The following ROCK1 variants were observed in gnomAD, a reference collection of about 807,000 sequenced individuals.
ROCK1 encodes the protein rho-associated protein kinase 1.
ROCK1 carries 36 observed loss-of-function variants against 196.8 expected under a neutral mutation model. That is an observed-to-expected ratio of 0.18 (90% CI 0.14 to 0.24). The LOEUF is 0.24. Among genes scored for constraint, ROCK1 ranks in the 10% least tolerant of loss-of-function variants. The probability of loss-of-function intolerance (pLI) is 1.00; values close to 1 mark genes in which losing one functional copy is unlikely to be tolerated. For synonymous variants in ROCK1, 443 were observed against 515.9 expected (o/e 0.86, Z 1.91); for missense variants, 920 against 1,562.0 (o/e 0.59, Z 6.93).
chr18:21,086,899 T>C (rs1191041159), intron 1 of ROCK1, among the ~76,000 whole-genome samples: 2 of 152,146 alleles, frequency 1.3e-5, no homozygotes, highest in African/African-American at 2.4e-5. Context: ...GTATATCATA[T>C]ATCAGAAAAG....
chr18:21,022,510 T>G (rs1407007733), intron 11 of ROCK1, among the ~76,000 whole-genome samples: 2 of 152,198 alleles, frequency 1.3e-5, no homozygotes, highest in African/African-American at 4.8e-5. Flanking sequence ...TGTATTACTC[T>G]GTAGCCCTAT....
intron 14 of ROCK1, 49 bp from the exon 15 acceptor site, chr18:21,006,839 G>A (rs771903065): frequency 1.6e-6 from 2 of 1,237,246 alleles, no homozygotes; most frequent in African/African-American, 3.1e-5. Flanking sequence ...TTTCATAGGG[G>A]AAACATATAA....
At chr18:21,088,529 A>G (rs1264596567) in intron 1 of ROCK1, among the ~76,000 whole-genome samples, 3 of 152,184 alleles carry the variant, frequency 2.0e-5, no homozygotes, top group African/African-American at 4.8e-5. Context: ...AAGAAAAAGA[A>G]TAATAATTTT....
At chr18:21,079,609 C>T (rs940205062) in intron 1 of ROCK1, among the ~76,000 whole-genome samples, 3 of 152,118 alleles carry the variant, frequency 2.0e-5, no homozygotes, top group Non-Finnish European at 4.4e-5. Flanking sequence ...GCTGATGGTA[C>T]AACTGGAGTG....
chr18:20,955,846 C>T (rs1485131761), intron 29 of ROCK1, among the ~76,000 whole-genome samples: 1 of 149,690 alleles, frequency 6.7e-6, no homozygotes, highest in Admixed American at 6.7e-5. Flanking sequence ...GAAAAGATTA[C>T]ACATTATTTG....
chr18:21,033,188 C>T (rs1416819553), intron 9 of ROCK1, among the ~76,000 whole-genome samples: 1 of 151,948 alleles, frequency 6.6e-6, no homozygotes, highest in Non-Finnish European at 1.5e-5. Flanking sequence ...CAGAGCAAGA[C>T]CTTATCTCTA....
chr18:21,047,264 TG>T (rs990688166), intron 4 of ROCK1, among the ~76,000 whole-genome samples: 14 of 152,196 alleles, frequency 9.2e-5, no homozygotes, highest in African/African-American at 3.4e-4. Context: ...TAACTAGTGG[TG>T]AAAACATTTT....
Position 21,057,648 on chromosome 18 carries a change from CCCGTCTCTA to C in ROCK1, c.176-7777_176-7769del, listed in dbSNP as rs568263354. 6.4e-3 allele frequency among the ~76,000 whole-genome samples: 972 copies of C among 152,080 alleles called. 7 individuals carry two copies. Among genetic ancestry groups the C allele is most frequent in the Middle Eastern group, 0.01 (3 of 292 alleles). ...ACCAGCCTGGCCAACATGGCAAAAC[CCCGTCTCTA>C]CTAAAAACACAAAAATTAGCCGGCA... is the stretch of plus-strand genomic sequence containing the variant. On this transcript the variant is annotated intron_variant, in intron 2 of 32. Coordinates refer to ENST00000399799, the MANE Select transcript of ROCK1 (RefSeq NM_005406.3).
intron 27 of ROCK1, among the ~76,000 whole-genome samples, chr18:20,966,346 T>G (rs1360689341): frequency 6.6e-6 from 1 of 152,168 alleles, no homozygotes; most frequent in Non-Finnish European, 1.5e-5. Context: ...GAAAAAAGTC[T>G]CAAATCTTAG....
At chr18:21,051,027 G>T (rs2036199768) in intron 2 of ROCK1, among the ~76,000 whole-genome samples, 1 of 152,136 alleles carries the variant, frequency 6.6e-6, no homozygotes, top group Non-Finnish European at 1.5e-5. Context: ...ACAGTTTTTT[G>T]AGTACTAAGG....
At chr18:21,041,686 A>ACT (rs2036108414) in intron 8 of ROCK1, among the ~76,000 whole-genome samples, 1 of 152,182 alleles carries the variant, frequency 6.6e-6, no homozygotes, top group Admixed American at 6.5e-5. Context: ...GGTTTAAAGT[A>ACT]TAAGGTGTAT....
In ROCK1 at chr18:20,975,694, T is replaced by C. The variant is rs528816034; in HGVS notation, c.2654+4216A>G. Among the ~76,000 whole-genome samples, 185 of 152,284 alleles carry C rather than the reference T, an allele frequency of 1.2e-3. 1 individual carries two copies. Among genetic ancestry groups the C allele is most frequent in the East Asian group, 9.5e-3 (49 of 5,180 alleles). On this transcript the variant is annotated intron_variant, in intron 22 of 32. Coordinates refer to ENST00000399799, the MANE Select transcript of ROCK1 (RefSeq NM_005406.3). The stretch of plus-strand genomic sequence containing the variant: ...GGCACCATCTAGGCTCACTGCAAGC[T>C]CCGCCTCCCAGGTTCACGCCATTCT...
rs1416848341 is a variant in ROCK1, at chr18:20,948,503, G to C, written c.*2881C>G. ...TTTACTTTAAATGAAGGGTGAATGG[G>C]TTAATTTAAGCTGAAACCCCAAATG... is the stretch of plus-strand genomic sequence containing the variant. On this transcript the variant is annotated 3_prime_UTR_variant, in exon 33 of 33. Coordinates refer to ENST00000399799, the MANE Select transcript of ROCK1 (RefSeq NM_005406.3). The C allele has an allele frequency of 6.7e-6, 1 of 148,530 alleles. No individual in the cohort carries two copies. The highest frequency in any genetic ancestry group is 1.5e-5 in the Non-Finnish European group (1 of 67,990). 9.2% of individuals were successfully genotyped at this position (148,530 alleles called of 1,614,324 possible). A position where few individuals can be genotyped will look rare whatever the true frequency, so the allele number is the denominator to read the frequency against.
chr18:21,025,967 G>A (rs2035952147), intron 10 of ROCK1, among the ~76,000 whole-genome samples: 5 of 152,154 alleles, frequency 3.3e-5, no homozygotes, highest in African/African-American at 1.2e-4. Context: ...TGATAATGTA[G>A]GACAAATAGT....
rs2036750252 is a variant in ROCK1 at position 21,111,335 on chromosome 18, A to G, written c.-425T>C. The G allele has an allele frequency of 4.5e-6, 2 of 447,384 alleles. No individual in the cohort carries two copies. The highest frequency in any genetic ancestry group is 7.8e-6 in the Non-Finnish European group (2 of 255,518). The allele number at this position is 447,384 out of a possible 1,614,324, so 27.7% of individuals were successfully genotyped here. ...GGGCAACAAGGGAGGGAGAAGAGGA[A>G]AGGCGAAAGCAAAGGGCGGGTGAGG... On this transcript the variant is annotated 5_prime_UTR_variant, in exon 1 of 33. Transcript: ENST00000399799. This position sits in a 1 kb window ranked among gnomAD's most constrained non-coding sequence, Gnocchi z 4.2.
intron 4 of ROCK1, among the ~76,000 whole-genome samples, chr18:21,047,987 C>A (rs1327844769): frequency 6.6e-6 from 1 of 152,090 alleles, no homozygotes; most frequent in Non-Finnish European, 1.5e-5. Flanking sequence ...CATTAAGGAT[C>A]CCAATACATA....
Position 21,006,332 on chromosome 18 carries a change from C to T in ROCK1, c.1885+19G>A. ...ATTTCATGTTACGTATATTTTACCA[C>T]AATAAGAAAAAATATTACCTTGAAG... On this transcript the variant is annotated intron_variant, in intron 16 of 32. Coordinates refer to ENST00000399799, the MANE Select transcript of ROCK1 (RefSeq NM_005406.3). The T allele has an allele frequency of 6.3e-7, 1 of 1,585,100 alleles. No individual in the cohort carries two copies. The highest frequency in any genetic ancestry group is 8.6e-7 in the Non-Finnish European group (1 of 1,166,112).
rs1202641547 is a variant in ROCK1 at position 20,950,186 on chromosome 18, G to T, written c.*1198C>A. On this transcript the variant is annotated 3_prime_UTR_variant, in exon 33 of 33. Transcript: ENST00000399799. ...TATCTGGTAATTCCTATGTTAACTG[G>T]AAAACATCATGGATGTATTGCCATA... The T allele has an allele frequency of 1.3e-5, 2 of 152,536 alleles. No homozygotes were observed. Among genetic ancestry groups the T allele is most frequent in the Non-Finnish European group, 2.9e-5 (2 of 68,042 alleles). 9.4% of individuals were successfully genotyped at this position (152,536 alleles called of 1,614,324 possible).
At chr18:21,082,986 C>G (rs533599314) in intron 1 of ROCK1, among the ~76,000 whole-genome samples, 4 of 152,262 alleles carry the variant, frequency 2.6e-5, no homozygotes, top group Non-Finnish European at 5.9e-5. Context: ...GAGCCCATAA[C>G]CAAATTCAGC....
Sources: allele counts gnomAD v4.1 joint callset (sites outside exome capture counted in the v4.1 genomes callset), GRCh38; gene constraint gnomAD v4.1.1; non-coding constraint Gnocchi (gnomAD v3.1); transcripts MANE v1.5; gene names NCBI Gene and HGNC (gene_info 2026-07-23, HGNC 2026-07-21).